Variants in CD274 observed in about 807,000 individuals in gnomAD.
The protein encoded by CD274 is programmed cell death 1 ligand 1.
CD274 carries 8 observed loss-of-function variants against 30.1 expected under a neutral mutation model. The ratio of observed to expected loss-of-function variants is 0.27; its 90% confidence interval spans 0.16 to 0.48. The LOEUF (loss-of-function observed/expected upper bound fraction) is 0.48. Among genes scored for constraint, CD274 ranks in the 20% least tolerant of loss-of-function variants. The probability of loss-of-function intolerance (pLI) is 0.99; values close to 1 mark genes in which losing one functional copy is unlikely to be tolerated. For missense variants in CD274, 353 were observed against 346.6 expected, an observed-to-expected ratio of 1.02 and a Z score of -0.15; for synonymous variants, 152 against 124.6, an observed-to-expected ratio of 1.22 and a Z score of -1.46.
rs113526309 is a variant in CD274, at chr9:5,459,082, G to A, written c.394+1662G>A. Among the ~76,000 whole-genome samples the A allele has an allele frequency of 4.0e-3, 609 of 152,124 alleles. 1 individual carries two copies. Among genetic ancestry groups the A allele is most frequent in the African/African-American group, 8.9e-3 (369 of 41,512 alleles). ...AGTAGGGAAGGGTTTTATTCAGGTCGTCTGGGCTCCATAATATCCCTTGTG... is the reference window on the plus strand; with the variant it reads ...AGTAGGGAAGGGTTTTATTCAGGTCATCTGGGCTCCATAATATCCCTTGTG... On this transcript the variant is annotated intron_variant, in intron 3 of 6. Coordinates refer to ENST00000381577, the MANE Select transcript of CD274 (RefSeq NM_014143.4).
intron 3 of CD274, among the ~76,000 whole-genome samples, chr9:5,459,791 T>G (rs1291627177): frequency 6.6e-5 from 10 of 152,100 alleles, no homozygotes; most frequent in Non-Finnish European, 1.5e-5. Flanking sequence ...TTCAGAACCT[T>G]CAATGAGATT....
chr9:5,466,669 G>A, intron 5 of CD274, 101 bp from the exon 6 acceptor site: 1 of 835,618 alleles, frequency 1.2e-6, no homozygotes, highest in Non-Finnish European at 1.9e-6. Context: ...GACTTCCTAG[G>A]GATTACAAAT....
At position 5,468,646 on chromosome 9, in the gene CD274, T is replaced by C; in HGVS notation, c.*784T>C. ...TATCTGTTCCATTTAAATATCAGCT[T>C]TACAATTATGTGGTAGCCTACACAC... On this transcript the variant is annotated 3_prime_UTR_variant, in exon 7 of 7. Transcript: ENST00000381577. The C allele has an allele frequency of 4.3e-6, 1 of 233,020 alleles. No individual in the cohort carries two copies. The highest frequency in any genetic ancestry group is 8.5e-6 in the Non-Finnish European group (1 of 117,894). The allele number at this position is 233,020 out of a possible 1,614,324, so 14.4% of individuals were successfully genotyped here. A position where few individuals can be genotyped will look rare whatever the true frequency, so the allele number is the denominator to read the frequency against.
In CD274 at chr9:5,451,974, C is replaced by A. The variant is rs556693867; in HGVS notation, c.-15+1378C>A. ...GGGATTACTGGCGGGAGCCACCATG[C>A]AGGCCTCTTGCTCCTACTTTTGAGA... On this transcript the variant is annotated intron_variant, in intron 1 of 6. Transcript: ENST00000381577. 3.4e-4 allele frequency among the ~76,000 whole-genome samples: 51 copies of A among 151,576 alleles called. 2 individuals carry two copies. The South Asian group carries it at 0.01, about 31-fold the overall frequency.
Position 5,470,462 on chromosome 9 carries a change from A to G in CD274, c.*2600A>G, listed in dbSNP as rs1210301068. The G allele has an allele frequency of 8.9e-6, 2 of 224,408 alleles. No individual in the cohort carries two copies. Among genetic ancestry groups the G allele is most frequent in the East Asian group, 1.3e-4 (2 of 15,482 alleles). The allele number at this position is 224,408 out of a possible 1,614,324, so 13.9% of individuals were successfully genotyped here. On this transcript the variant is annotated 3_prime_UTR_variant, in exon 7 of 7. Transcript: ENST00000381577. Reference sequence around the variant, plus strand: ...CTTTTTGTACCTGCATTAATTTAATAAAATATTCTTATTTATTTTGTTACT... The same window carrying G: ...CTTTTTGTACCTGCATTAATTTAATGAAATATTCTTATTTATTTTGTTACT...
At chr9:5,454,877 A>AT (rs1461848371) in intron 1 of CD274, among the ~76,000 whole-genome samples, 3 of 152,092 alleles carry the variant, frequency 2.0e-5, no homozygotes, top group African/African-American at 7.2e-5. Flanking sequence ...CATATCTTAT[A>AT]TTTTTTATTG....
At chr9:5,456,592 A>T (rs553014786) in intron 2 of CD274, among the ~76,000 whole-genome samples, 1 of 152,348 alleles carries the variant, frequency 6.6e-6, no homozygotes, top group East Asian at 1.9e-4. Flanking sequence ...TCAGGCTAAC[A>T]CAGTACTGGC....
chr9:5,466,766 C>T lies in CD274; in HGVS notation c.791-4C>T, dbSNP rs78816802. On this transcript the variant is annotated splice_region_variant and splice_polypyrimidine_tract_variant and intron_variant, in intron 5 of 6. Coordinates refer to ENST00000381577, the MANE Select transcript of CD274 (RefSeq NM_014143.4). ...GGAAATAAAAATGATTTCTTTTTCT[C>T]AAGGGAGAATGATGGATGTGAAAAA... 1.2e-6 allele frequency: 2 copies of T among 1,606,776 alleles called. No homozygotes were observed. Among genetic ancestry groups the T allele is most frequent in the Non-Finnish European group, 1.7e-6 (2 of 1,175,772 alleles).
chr9:5,464,205 G>C (rs1563805410), intron 4 of CD274, among the ~76,000 whole-genome samples: 1 of 152,154 alleles, frequency 6.6e-6, no homozygotes, highest in Non-Finnish European at 1.5e-5. Context: ...GTAAAAGCTA[G>C]ATTAGTGGGT....
Position 5,457,209 on chromosome 9 carries a change from T to C in CD274, c.183T>C (p.Asp61=). ...AALIVYWEME[D]KNIIQFVHGE... Reference sequence around the variant, plus strand: ...TAATTGTCTATTGGGAAATGGAGGATAAGAACATTATTCAATTTGTGCATG... The same window carrying C: ...TAATTGTCTATTGGGAAATGGAGGACAAGAACATTATTCAATTTGTGCATG... The change falls in exon 3 of 7, where the codon GAT becomes GAC. Residue 61 remains aspartate, a synonymous_variant. Coordinates refer to ENST00000381577, the MANE Select transcript of CD274 (RefSeq NM_014143.4). 1 of 1,614,074 alleles carries C rather than the reference T, an allele frequency of 6.2e-7. No homozygotes were observed. The highest frequency in any genetic ancestry group is 8.5e-7 in the Non-Finnish European group (1 of 1,179,938).
intron 4 of CD274, 194 bp downstream of exon 4, chr9:5,463,315 G>C (rs1330539212): frequency 5.1e-6 from 3 of 587,938 alleles, no homozygotes; most frequent in Non-Finnish European, 9.1e-6. Context: ...ACATTCAGCA[G>C]ATATTTATGG....
At position 5,463,054 on chromosome 9, in the gene CD274, G is replaced by A. The variant is rs1819434746; in HGVS notation, c.615G>A (p.Glu205=). The A allele has an allele frequency of 6.2e-7, 1 of 1,613,894 alleles. No individual in the cohort carries two copies. Among genetic ancestry groups the A allele is most frequent in the Non-Finnish European group, 8.5e-7 (1 of 1,179,828 alleles). Reference sequence around the variant, plus strand: ...TGAGAATCAACACAACAACTAATGAGATTTTCTACTGCACTTTTAGGAGAT... The same window carrying A: ...TGAGAATCAACACAACAACTAATGAAATTTTCTACTGCACTTTTAGGAGAT... ...STLRINTTTN[E]IFYCTFRRLD... Residue 205 remains glutamate (E), a synonymous_variant, in exon 4 of 7, where the codon GAG becomes GAA. Coordinates refer to ENST00000381577, the MANE Select transcript of CD274 (RefSeq NM_014143.4).
rs1265659593 is a variant in CD274 at position 5,467,840 on chromosome 9, A to G, written c.851A>G (p.Asp284Gly). ...IQDTNSKKQS[D>G]THLEET ...TTAATATACTATTATCACTCTCCAG[A>G]TACACATTTGGAGGAGACGTAATCC... The change falls in exon 7 of 7, where the codon GAT (aspartate) becomes GGT (glycine). Residue 284 changes from aspartate to glycine, a missense_variant and splice_region_variant. Transcript: ENST00000381577. The G allele has an allele frequency of 1.2e-5, 20 of 1,608,410 alleles. No individual in the cohort carries two copies. The highest frequency in any genetic ancestry group is 1.7e-5 in the Non-Finnish European group (20 of 1,175,018).
chr9:5,457,108 T>C lies in CD274; in HGVS notation c.82T>C (p.Tyr28His), dbSNP rs2131211084. 5 of 1,613,288 alleles carry C rather than the reference T, an allele frequency of 3.1e-6. No individual in the cohort carries two copies. The highest frequency in any genetic ancestry group is 3.4e-6 in the Non-Finnish European group (4 of 1,179,232). The change falls in exon 3 of 7, where the codon TAT becomes CAT. Residue 28 changes from tyrosine (Y) to histidine (H), a missense_variant. Physicochemically the swap from Tyr to His is moderately conservative, Grantham distance 83. Transcript: ENST00000381577. Reference protein sequence around the residue: ...AFTVTVPKDLYVVEYGSNMTI... With the variant: ...AFTVTVPKDLHVVEYGSNMTI... ...TACTGTCACGGTTCCCAAGGACCTA[T>C]ATGTGGTAGAGTATGGTAGCAATAT...
intron 3 of CD274, among the ~76,000 whole-genome samples, chr9:5,458,362 C>G (rs1819344568): frequency 6.6e-6 from 1 of 152,222 alleles, no homozygotes; most frequent in South Asian, 2.1e-4. Context: ...CCCACAATGG[C>G]CTCCCTGCCA....
Position 5,457,341 on chromosome 9 carries a change from A to G in CD274, c.315A>G (p.Lys105=). 1 of 1,614,136 alleles carries G rather than the reference A, an allele frequency of 6.2e-7. No homozygotes were observed. The highest frequency in any genetic ancestry group is 1.3e-5 in the African/African-American group (1 of 75,050). ...GNAALQITDV[K]LQDAGVYRCM... is the part of the protein sequence containing the mutation. ...CTGCACTTCAGATCACAGATGTGAA[A>G]TTGCAGGATGCAGGGGTGTACCGCT... Residue 105 remains lysine, a synonymous_variant, in exon 3 of 7, where the codon AAA becomes AAG. Coordinates refer to ENST00000381577, the MANE Select transcript of CD274 (RefSeq NM_014143.4).
intron 3 of CD274, among the ~76,000 whole-genome samples, chr9:5,462,155 C>A (rs934178026): frequency 6.6e-6 from 1 of 152,048 alleles, no homozygotes; most frequent in African/African-American, 2.4e-5. Context: ...AAAAGTATCA[C>A]CAGGAACATA....
In CD274 at chr9:5,462,918, A is replaced by T; in HGVS notation, c.479A>T (p.Tyr160Phe). 1 of 1,614,072 alleles carries T rather than the reference A, an allele frequency of 6.2e-7. No individual in the cohort carries two copies. The highest frequency in any genetic ancestry group is 8.5e-7 in the Non-Finnish European group (1 of 1,179,950). ...GAACTGACATGTCAGGCTGAGGGCT[A>T]CCCCAAGGCCGAAGTCATCTGGACA... Reference protein sequence around the residue: ...EHELTCQAEGYPKAEVIWTSS... With the variant: ...EHELTCQAEGFPKAEVIWTSS... The change falls in exon 4 of 7, where the codon TAC becomes TTC. Residue 160 changes from tyrosine to phenylalanine, a missense_variant. Physicochemically the swap from Tyr to Phe is conservative, Grantham distance 22. Transcript: ENST00000381577.
intron 6 of CD274, among the ~76,000 whole-genome samples, chr9:5,467,150 A>G (rs1185747112): frequency 2.0e-5 from 3 of 152,082 alleles, no homozygotes; most frequent in Admixed American, 1.3e-4. Context: ...ATACTATGTT[A>G]ATTGCACCAT....
Sources: gnomAD v4.1 joint callset for allele counts (sites outside exome capture counted in the v4.1 genomes callset) on GRCh38, gnomAD v4.1.1 for gene constraint, MANE v1.5 for transcripts, NCBI Gene and HGNC (gene_info 2026-07-23, HGNC 2026-07-21) for gene names.